Variants in DENND1A observed in about 807,000 individuals in gnomAD.
DENND1A encodes the protein DENN domain-containing protein 1A.
In DENND1A, 51 loss-of-function variants were observed where a neutral mutation model predicts 113.7. That is an observed-to-expected ratio of 0.45 (90% CI 0.36 to 0.57). DENND1A has a LOEUF of 0.57. Ranked by LOEUF, DENND1A falls within the 20% of genes least tolerant of loss-of-function variation. The pLI is 0.00. For synonymous variants in DENND1A, 565 were observed against 570.8 expected (o/e 0.99, Z 0.14); for missense variants, 1,258 against 1,395.9 (o/e 0.90, Z 1.57).
chr9:123,902,805 G>GT lies in DENND1A; in HGVS notation c.18-23785dup, dbSNP rs35366223. Among the ~76,000 whole-genome samples, 262 of 138,354 alleles carry GT rather than the reference G, an allele frequency of 1.9e-3. 1 individual carries two copies. Among genetic ancestry groups the GT allele is most frequent in the African/African-American group, 3.1e-3 (119 of 38,466 alleles). 90.8% of individuals were successfully genotyped at this position (138,354 alleles called of 152,430 possible). On this transcript the variant is annotated intron_variant, in intron 1 of 23. Coordinates refer to ENST00000394215, the MANE Select transcript of DENND1A (RefSeq NM_001352964.2). ...GAGAACAAGACAAGTAACAACAGCTGTTTTTTTTTTTTTTAAAAAGGCCAA... is the reference window on the plus strand; with the variant it reads ...GAGAACAAGACAAGTAACAACAGCTGTTTTTTTTTTTTTTTAAAAAGGCCAA...
At chr9:123,493,418 G>A (rs546355097) in intron 13 of DENND1A, among the ~76,000 whole-genome samples, 8 of 152,312 alleles carry the variant, frequency 5.3e-5, no homozygotes, top group Non-Finnish European at 7.3e-5. Flanking sequence ...GGTGAAAGAG[G>A]ATGGGCGGTG....
At chr9:123,581,893 T>C (rs1438341820) in intron 12 of DENND1A, among the ~76,000 whole-genome samples, 1 of 152,170 alleles carries the variant, frequency 6.6e-6, no homozygotes, top group Non-Finnish European at 1.5e-5. Flanking sequence ...AAAACCACAC[T>C]TGCCGGTGAG....
chr9:123,657,614 T>C (rs926538218), intron 8 of DENND1A, among the ~76,000 whole-genome samples: 4 of 152,164 alleles, frequency 2.6e-5, no homozygotes, highest in African/African-American at 4.8e-5. Context: ...ACTTCATACA[T>C]GGTACACATG....
chr9:123,616,725 T>C (rs1226346420), intron 10 of DENND1A, among the ~76,000 whole-genome samples: 1 of 151,998 alleles, frequency 6.6e-6, no homozygotes, highest in Non-Finnish European at 1.5e-5. Flanking sequence ...AGGAGAAAAA[T>C]AAACCAGCCA....
chr9:123,808,188 T>C (rs1013440690), intron 2 of DENND1A, among the ~76,000 whole-genome samples: 1 of 151,996 alleles, frequency 6.6e-6, no homozygotes, highest in African/African-American at 2.4e-5. Context: ...ATCATGCCAT[T>C]GTACCCCAGC....
At chr9:123,844,741 C>G (rs1250598304) in intron 2 of DENND1A, among the ~76,000 whole-genome samples, 1 of 152,030 alleles carries the variant, frequency 6.6e-6, no homozygotes, top group Non-Finnish European at 1.5e-5. Context: ...TATGGAGATG[C>G]AAGGGACCCA....
rs180674622 is a variant in DENND1A at position 123,722,555 on chromosome 9, T to C, written c.302+35148A>G. Among the ~76,000 whole-genome samples the C allele has an allele frequency of 2.0e-4, 31 of 152,300 alleles. No homozygotes were observed. The East Asian group carries it at 5.0e-3, about 25-fold the overall frequency. On this transcript the variant is annotated intron_variant, in intron 5 of 23. Coordinates refer to ENST00000394215, the MANE Select transcript of DENND1A (RefSeq NM_001352964.2). ...AAAAATGGTTTCATGGGCTGAGCCC[T>C]GGGTCCCTCTACTGGGTGCAGTCTA... is the stretch of plus-strand genomic sequence containing the variant.
chr9:123,555,430 C>T (rs1005116006), intron 13 of DENND1A, among the ~76,000 whole-genome samples: 2 of 152,326 alleles, frequency 1.3e-5, no homozygotes, highest in Admixed American at 6.5e-5. Flanking sequence ...CCAATTGCTC[C>T]AAAGAAAATG....
chr9:123,387,240 A>C (rs2042612668), intron 22 of DENND1A, among the ~76,000 whole-genome samples: 1 of 152,226 alleles, frequency 6.6e-6, no homozygotes, highest in African/African-American at 2.4e-5. Context: ...TTAGGCTATA[A>C]ATAATAATGA....
chr9:123,671,510 T>A, intron 6 of DENND1A, 139 bp from the exon 7 acceptor site: 1 of 783,456 alleles, frequency 1.3e-6, no homozygotes, highest in Non-Finnish European at 2.1e-6. Flanking sequence ...GATATTCATG[T>A]AGGGTTTGAC....
At chr9:123,640,707 C>T (rs1015788158) in intron 9 of DENND1A, among the ~76,000 whole-genome samples, 70 of 152,342 alleles carry the variant, frequency 4.6e-4, no homozygotes, top group African/African-American at 1.7e-3. Flanking sequence ...GGGCTCTGTG[C>T]TTTCATATCT....
intron 13 of DENND1A, among the ~76,000 whole-genome samples, chr9:123,546,149 A>G (rs1169985990): frequency 6.6e-6 from 1 of 152,194 alleles, no homozygotes; most frequent in Non-Finnish European, 1.5e-5. Context: ...GCCACCATGC[A>G]GCTGCTGGGC....
intron 4 of DENND1A, among the ~76,000 whole-genome samples, chr9:123,762,870 C>G (rs374719082): frequency 5.3e-4 from 81 of 152,300 alleles, no homozygotes; most frequent in African/African-American, 1.7e-3. Context: ...ACTCAAGAAA[C>G]AGGGCACTGG....
chr9:123,897,709 C>A (rs1347103898), intron 1 of DENND1A, among the ~76,000 whole-genome samples: 1 of 152,152 alleles, frequency 6.6e-6, no homozygotes, highest in Non-Finnish European at 1.5e-5. Flanking sequence ...TGGCTCACAC[C>A]TGTAAACTCA....
At chr9:123,708,367 C>G (rs2140886744) in intron 5 of DENND1A, among the ~76,000 whole-genome samples, 1 of 152,086 alleles carries the variant, frequency 6.6e-6, no homozygotes, top group Admixed American at 6.5e-5. Context: ...GAGAGGTGAT[C>G]AAAGGAAACC....
intron 12 of DENND1A, among the ~76,000 whole-genome samples, chr9:123,562,674 G>C (rs1345729998): frequency 6.6e-6 from 1 of 152,022 alleles, no homozygotes; most frequent in Non-Finnish European, 1.5e-5. Flanking sequence ...TTATAAAAAA[G>C]CATATGTTAC....
intron 18 of DENND1A, among the ~76,000 whole-genome samples, chr9:123,441,825 T>A (rs1588546919): frequency 6.6e-6 from 1 of 152,374 alleles, no homozygotes; most frequent in South Asian, 2.1e-4. Context: ...TACACTTTGA[T>A]CAACAAAATA....
At chr9:123,479,399 T>C (rs113858759) in intron 13 of DENND1A, among the ~76,000 whole-genome samples, 6 of 152,370 alleles carry the variant, frequency 3.9e-5, no homozygotes, top group African/African-American at 1.4e-4. Flanking sequence ...CTTAGAAAGC[T>C]GGGAAATGGA....
intron 13 of DENND1A, among the ~76,000 whole-genome samples, chr9:123,519,131 G>C (rs2134920995): frequency 6.6e-6 from 1 of 152,292 alleles, no homozygotes; most frequent in African/African-American, 2.4e-5. Flanking sequence ...AGCTCCAAGA[G>C]GACTTCCCTG....
Sources: gnomAD v4.1 joint callset for allele counts (sites outside exome capture counted in the v4.1 genomes callset) on GRCh38, gnomAD v4.1.1 for gene constraint, MANE v1.5 for transcripts, NCBI Gene and HGNC (gene_info 2026-07-23, HGNC 2026-07-21) for gene names.